Variants in SIPA1L3 observed in about 807,000 individuals in gnomAD.
SIPA1L3 encodes the protein signal-induced proliferation-associated 1-like protein 3.
A neutral mutation model predicts 150.1 loss-of-function variants in SIPA1L3; 59 were observed. The observed-to-expected ratio is 0.39, with a 90% CI of 0.32 to 0.49. The LOEUF (loss-of-function observed/expected upper bound fraction) is 0.49, where lower values mean the gene tolerates loss of function less well. Among genes scored for constraint, SIPA1L3 ranks in the 20% least tolerant of loss-of-function variants. The pLI is 0.86. For missense variants in SIPA1L3, 2,211 were observed against 2,489.5 expected (o/e 0.89, Z 2.38); for synonymous variants, 1,070 against 1,077.6 (o/e 0.99, Z 0.14).
intron 18 of SIPA1L3, among the ~76,000 whole-genome samples, chr19:38,196,719 C>A (rs528418008): frequency 6.8e-6 from 1 of 147,678 alleles, no homozygotes; most frequent in Non-Finnish European, 1.5e-5. Context: ...AAGGGAGGAA[C>A]ATAGAGTCAA....
At chr19:38,124,127 G>C (rs965642424) in intron 9 of SIPA1L3, among the ~76,000 whole-genome samples, 2 of 150,696 alleles carry the variant, frequency 1.3e-5, no homozygotes, top group African/African-American at 4.8e-5. Context: ...CTCCCGGACG[G>C]GGTGGCTGCC....
At chr19:38,136,401 C>A (rs1273426651) in intron 10 of SIPA1L3, among the ~76,000 whole-genome samples, 1 of 151,782 alleles carries the variant, frequency 6.6e-6, no homozygotes, top group East Asian at 2.0e-4. Context: ...ATCAGGAGTT[C>A]AAGACCAGCC....
chr19:38,082,604 A>G lies in SIPA1L3; in HGVS notation c.1039A>G (p.Ser347Gly), dbSNP rs1165814311. Residue 347 changes from serine (S) to glycine (G), a missense_variant, in exon 3 of 22, where the codon AGC becomes GGC. Ser to Gly is a moderately conservative substitution (Grantham distance 56). Coordinates refer to ENST00000222345, the MANE Select transcript of SIPA1L3 (RefSeq NM_015073.3). ...GAGCTTCGCCCACTTCGACGTGCAG[A>G]GCATGCTGTTCGACCTCAACGAGGC... is the stretch of plus-strand genomic sequence containing the variant. ...QKSFAHFDVQSMLFDLNEAAA... is the reference protein window; with the variant it reads ...QKSFAHFDVQGMLFDLNEAAA... 2 of 1,604,410 alleles carry G rather than the reference A, an allele frequency of 1.2e-6. No individual in the cohort carries two copies.
intron 13 of SIPA1L3, among the ~76,000 whole-genome samples, chr19:38,154,784 CAG>C (rs924922944): frequency 1.7e-4 from 22 of 133,070 alleles, no homozygotes; most frequent in Middle Eastern, 4.3e-3. Context: ...TTTTTTGAGA[CAG>C]AGTCTTACTC....
At chr19:37,919,878 T>C (rs543115439) in intron 1 of SIPA1L3, among the ~76,000 whole-genome samples, 2 of 151,602 alleles carry the variant, frequency 1.3e-5, no homozygotes, top group Admixed American at 1.3e-4. Context: ...GCCTGGCTAA[T>C]TTTGTATTTT....
rs1973149512 is a variant in SIPA1L3, at chr19:38,204,043, A to G, written c.5121-84A>G. On this transcript the variant is annotated intron_variant, in intron 20 of 21. Coordinates refer to ENST00000222345, the MANE Select transcript of SIPA1L3 (RefSeq NM_015073.3). ...GAATGTCAGGGATAAGGGGGCCTGT[A>G]CCCCCAGGCTCCTCAGATGTGGGCC... 9.4e-6 allele frequency: 10 copies of G among 1,068,186 alleles called. No individual in the cohort carries two copies. The South Asian group carries it at 1.1e-4, about 12-fold the overall frequency. The allele number at this position is 1,068,186 out of a possible 1,614,324, so 66.2% of individuals were successfully genotyped here. A position where few individuals can be genotyped will look rare whatever the true frequency, so the allele number is the denominator to read the frequency against.
chr19:38,198,546 AC>A lies in SIPA1L3; in HGVS notation c.4984+17del. On this transcript the variant is annotated intron_variant, in intron 19 of 21. Transcript: ENST00000222345. Reference sequence around the variant, plus strand: ...AGGCATACGAAGGTAGGCGCCTTCCACCCAGTCCCGCCAGGCCCCCACCCCG... The same window carrying A: ...AGGCATACGAAGGTAGGCGCCTTCCACCAGTCCCGCCAGGCCCCCACCCCG... The A allele has an allele frequency of 6.6e-7, 1 of 1,507,646 alleles. No individual in the cohort carries two copies. The allele number at this position is 1,507,646 out of a possible 1,614,324, so 93.4% of individuals were successfully genotyped here.
intron 12 of SIPA1L3, among the ~76,000 whole-genome samples, chr19:38,143,423 C>A (rs1971636468): frequency 6.6e-6 from 1 of 152,030 alleles, no homozygotes; most frequent in Non-Finnish European, 1.5e-5. Flanking sequence ...TGTCACCCAC[C>A]CTCTCCTCCT....
At chr19:38,113,304 T>C (rs1970808794) in intron 8 of SIPA1L3, among the ~76,000 whole-genome samples, 1 of 151,590 alleles carries the variant, frequency 6.6e-6, no homozygotes, top group African/African-American at 2.4e-5. Context: ...GCCCAACATG[T>C]TTCTGTCATA....
intron 15 of SIPA1L3, among the ~76,000 whole-genome samples, chr19:38,167,742 G>T (rs1270201116): frequency 6.6e-6 from 1 of 152,034 alleles, no homozygotes; most frequent in African/African-American, 2.4e-5. Flanking sequence ...TTTTAAGTTT[G>T]TTAGTAGAGA....
intron 1 of SIPA1L3, among the ~76,000 whole-genome samples, chr19:37,982,736 G>A (rs1476545081): frequency 6.6e-6 from 1 of 152,190 alleles, no homozygotes; most frequent in African/African-American, 2.4e-5. Context: ...CTGTATAGTG[G>A]CTTATGGCTC....
At chr19:38,003,384 A>G (rs984824744) in intron 1 of SIPA1L3, among the ~76,000 whole-genome samples, 2 of 152,206 alleles carry the variant, frequency 1.3e-5, no homozygotes, top group African/African-American at 2.4e-5. Context: ...AGGCTCCCCA[A>G]GGAAGTATAG....
chr19:38,123,168 G>A (rs373182559), intron 9 of SIPA1L3, among the ~76,000 whole-genome samples: 250 of 152,278 alleles, frequency 1.6e-3, no homozygotes, highest in African/African-American at 5.3e-3. Context: ...ACAAAAGCCT[G>A]ATGAGGTCCT....
At chr19:38,002,874 G>A (rs1967842104) in intron 1 of SIPA1L3, among the ~76,000 whole-genome samples, 1 of 152,014 alleles carries the variant, frequency 6.6e-6, no homozygotes, top group South Asian at 2.1e-4. Flanking sequence ...GCAGGGCACA[G>A]TGGCTCATGC....
intron 1 of SIPA1L3, among the ~76,000 whole-genome samples, chr19:37,992,427 G>A (rs1967531393): frequency 6.6e-6 from 1 of 152,260 alleles, no homozygotes; most frequent in East Asian, 1.9e-4. Flanking sequence ...GATGCAGGTG[G>A]ATCACTCGAA....
chr19:37,970,205 G>A (rs1966898274), intron 1 of SIPA1L3, among the ~76,000 whole-genome samples: 1 of 152,174 alleles, frequency 6.6e-6, no homozygotes. Flanking sequence ...AATGTTACTC[G>A]TAAGTTAAAT....
At chr19:37,989,515 G>A (rs989631329) in intron 1 of SIPA1L3, among the ~76,000 whole-genome samples, 4 of 152,146 alleles carry the variant, frequency 2.6e-5, no homozygotes, top group Non-Finnish European at 5.9e-5. Flanking sequence ...TAATCTCAGT[G>A]TACCACTGCA....
intron 1 of SIPA1L3, among the ~76,000 whole-genome samples, chr19:38,006,759 G>A (rs1019031502): frequency 2.0e-5 from 3 of 152,076 alleles, no homozygotes; most frequent in Non-Finnish European, 4.4e-5. Flanking sequence ...GAGTATGACC[G>A]GGCACACACC....
chr19:38,131,329 A>C (rs1971301493), intron 10 of SIPA1L3, among the ~76,000 whole-genome samples: 2 of 152,236 alleles, frequency 1.3e-5, no homozygotes, highest in Non-Finnish European at 2.9e-5. Flanking sequence ...AGGCGGGCAG[A>C]GAAGGCTCCA....
Sources: allele counts gnomAD v4.1 joint callset (sites outside exome capture counted in the v4.1 genomes callset), GRCh38; gene constraint gnomAD v4.1.1; transcripts MANE v1.5; gene names NCBI Gene and HGNC (gene_info 2026-07-23, HGNC 2026-07-21).